Variants in LHPP observed in about 807,000 individuals in gnomAD.
LHPP encodes the protein phospholysine phosphohistidine inorganic pyrophosphate phosphatase, also known as hLHPP.
In LHPP, 24 loss-of-function variants were observed where a neutral mutation model predicts 30.3. That is an observed-to-expected ratio of 0.79 (90% CI 0.57 to 1.11). The LOEUF is 1.11. Ranked by LOEUF, LHPP falls within the 50% of genes most tolerant of loss-of-function variation. LHPP has a pLI of 0.00. For missense variants in LHPP, 356 were observed against 367.2 expected (o/e 0.97, Z 0.25); for synonymous variants, 150 against 157.1 (o/e 0.95, Z 0.34).
rs1952407119 is a variant in LHPP, at chr10:124,461,874, G to C, written c.12G>C (p.Trp4Cys). MAP[W>C]GKRLAGVRGV... The stretch of plus-strand genomic sequence containing the variant: ...CAGGGCCGGGCGCCATGGCACCGTG[G>C]GGCAAGCGGCTGGCTGGCGTGCGCG... Residue 4 changes from tryptophan (W) to cysteine (C), a missense_variant, in exon 1 of 7, where the codon TGG becomes TGC. Trp to Cys is a radical substitution (Grantham distance 215). Coordinates refer to ENST00000368842, the MANE Select transcript of LHPP (RefSeq NM_022126.4). 8.0e-7 allele frequency: 1 copy of C among 1,256,898 alleles called. No homozygotes were observed. 77.9% of individuals were successfully genotyped at this position (1,256,898 alleles called of 1,614,324 possible).
chr10:124,504,898 G>T (rs995101220), intron 5 of LHPP, among the ~76,000 whole-genome samples: 1 of 152,176 alleles, frequency 6.6e-6, no homozygotes, highest in Non-Finnish European at 1.5e-5. Flanking sequence ...GGGGCAGTGC[G>T]TCTGGGAGGG....
chr10:124,543,172 C>G (rs572991117), intron 6 of LHPP, among the ~76,000 whole-genome samples: 6 of 152,332 alleles, frequency 3.9e-5, no homozygotes, highest in African/African-American at 1.4e-4. Context: ...CGTTCCAGCT[C>G]GGGCAGTACA....
intron 1 of LHPP, among the ~76,000 whole-genome samples, chr10:124,466,479 CAG>C (rs896708577): frequency 1.4e-4 from 21 of 152,126 alleles, no homozygotes; most frequent in African/African-American, 5.1e-4. Flanking sequence ...GTTTTTGAAA[CAG>C]AGTGTTGCTC....
At chr10:124,536,531 C>T (rs1162324448) in intron 6 of LHPP, among the ~76,000 whole-genome samples, 1 of 152,160 alleles carries the variant, frequency 6.6e-6, no homozygotes, top group African/African-American at 2.4e-5. Flanking sequence ...GCTTTGGGCT[C>T]CAGGGAGGCC....
chr10:124,584,652 G>A (rs893803189), intron 6 of LHPP, among the ~76,000 whole-genome samples: 3 of 152,148 alleles, frequency 2.0e-5, no homozygotes, highest in African/African-American at 4.8e-5. Context: ...ATACTATCAC[G>A]TTGCTGGTTT....
chr10:124,591,811 G>C (rs1948885129), intron 6 of LHPP, among the ~76,000 whole-genome samples: 1 of 126,864 alleles, frequency 7.9e-6, no homozygotes, highest in Non-Finnish European at 1.7e-5. Context: ...TGACTACAGA[G>C]AGCGGCCACA....
chr10:124,594,329 C>CAAAA lies in LHPP; in HGVS notation c.717-18916_717-18913dup, dbSNP rs71026102. 3.9e-3 allele frequency among the ~76,000 whole-genome samples: 291 copies of CAAAA among 74,934 alleles called. 4 individuals carry two copies. Among genetic ancestry groups the CAAAA allele is most frequent in the African/African-American group, 0.01 (158 of 15,734 alleles). The allele number at this position is 74,934 out of a possible 152,430, so 49.2% of individuals were successfully genotyped here. A position where few individuals can be genotyped will look rare whatever the true frequency, so the allele number is the denominator to read the frequency against. ...TGGGCGGCAGAGTGAGACTCCATCT[C>CAAAA]AAAAAAAAAAAAAAAAAAAAAAGAC... is the stretch of plus-strand genomic sequence containing the variant. On this transcript the variant is annotated intron_variant, in intron 6 of 6. Transcript: ENST00000368842.
chr10:124,559,266 G>A (rs1197883049), intron 6 of LHPP, among the ~76,000 whole-genome samples: 1 of 152,250 alleles, frequency 6.6e-6, no homozygotes. Context: ...CTGAAGATGA[G>A]TTTGAAGTTA....
Position 124,461,832 on chromosome 10 carries a change from G to A in LHPP, c.-31G>A, listed in dbSNP as rs1478860929. On this transcript the variant is annotated 5_prime_UTR_variant, in exon 1 of 7. Transcript: ENST00000368842. ...CGGCGCCGGCGCCGGCGTCGGTTGG[G>A]ACGCGGAGCTGAGGAGCAGGGCCGG... 1.6e-6 allele frequency: 2 copies of A among 1,228,530 alleles called. No individual in the cohort carries two copies. The highest frequency in any genetic ancestry group is 1.0e-6 in the Non-Finnish European group (1 of 982,614). The allele number at this position is 1,228,530 out of a possible 1,614,324, so 76.1% of individuals were successfully genotyped here.
At chr10:124,594,220 C>T (rs957117834) in intron 6 of LHPP, among the ~76,000 whole-genome samples, 2 of 150,996 alleles carry the variant, frequency 1.3e-5, no homozygotes, top group Non-Finnish European at 2.9e-5. Flanking sequence ...ATCCCAGCTA[C>T]TCAGGAGGCG....
At chr10:124,579,309 T>C (rs1426923591) in intron 6 of LHPP, among the ~76,000 whole-genome samples, 1 of 152,252 alleles carries the variant, frequency 6.6e-6, no homozygotes, top group Non-Finnish European at 1.5e-5. Context: ...ATCACAGCAC[T>C]GAGTGCCGTC....
In LHPP at chr10:124,523,173, A is replaced by G. The variant is rs1417556495; in HGVS notation, c.716+5902A>G. 1.3e-5 allele frequency among the ~76,000 whole-genome samples: 2 copies of G among 152,258 alleles called. No individual in the cohort carries two copies. Among genetic ancestry groups the G allele is most frequent in the Admixed American group, 1.3e-4 (2 of 15,290 alleles). On this transcript the variant is annotated intron_variant, in intron 6 of 6. Coordinates refer to ENST00000368842, the MANE Select transcript of LHPP (RefSeq NM_022126.4). The surrounding 1 kb of genome is among the most constrained non-coding windows in gnomAD (Gnocchi z 4.2). ...CTCTTATTGTTTACCCAAGGCTGGC[A>G]GATGTTTTATAAGCCCCGAACGTTC...
At chr10:124,522,777 C>T (rs1478897466) in intron 6 of LHPP, among the ~76,000 whole-genome samples, 2 of 150,858 alleles carry the variant, frequency 1.3e-5, no homozygotes, top group African/African-American at 2.4e-5. Context: ...TCAAGGCAGC[C>T]CTCATCTTCC....
intron 6 of LHPP, among the ~76,000 whole-genome samples, chr10:124,530,106 T>A (rs1193320689): frequency 6.6e-6 from 1 of 152,082 alleles, no homozygotes; most frequent in Admixed American, 6.5e-5. Flanking sequence ...AGGAACCTGG[T>A]GAAGCCAGGA....
chr10:124,461,868 AC>A lies in LHPP; in HGVS notation c.8del (p.Pro3ArgfsTer41). 8.0e-7 allele frequency: 1 copy of A among 1,253,976 alleles called. No individual in the cohort carries two copies. The highest frequency in any genetic ancestry group is 1.0e-6 in the Non-Finnish European group (1 of 996,122). 77.7% of individuals were successfully genotyped at this position (1,253,976 alleles called of 1,614,324 possible). MAPWGKRLAGVRG... is the reference protein window; with the variant it reads MAXWGKRLAGVRG... ...GAGGAGCAGGGCCGGGCGCCATGGCACCGTGGGGCAAGCGGCTGGCTGGCGT... is the reference window on the plus strand; with the variant it reads ...GAGGAGCAGGGCCGGGCGCCATGGCACGTGGGGCAAGCGGCTGGCTGGCGT... On this transcript the variant is annotated frameshift_variant, in exon 1 of 7. Coordinates refer to ENST00000368842, the MANE Select transcript of LHPP (RefSeq NM_022126.4). LOFTEE classifies it high-confidence loss of function.
At chr10:124,495,816 A>G (rs1953689158) in intron 3 of LHPP, among the ~76,000 whole-genome samples, 1 of 152,190 alleles carries the variant, frequency 6.6e-6, no homozygotes, top group South Asian at 2.1e-4. Context: ...TACCGAGTTA[A>G]TAACTTTGCA....
At chr10:124,568,363 C>T (rs569514257) in intron 6 of LHPP, among the ~76,000 whole-genome samples, 1 of 152,368 alleles carries the variant, frequency 6.6e-6, no homozygotes, top group East Asian at 1.9e-4. Flanking sequence ...CCACCCTCTT[C>T]TTGCCCTTTG....
intron 1 of LHPP, among the ~76,000 whole-genome samples, chr10:124,469,615 C>T (rs1306483180): frequency 6.6e-6 from 1 of 152,106 alleles, no homozygotes; most frequent in Non-Finnish European, 1.5e-5. Flanking sequence ...TGCATGCACA[C>T]ACACACATTC....
intron 3 of LHPP, among the ~76,000 whole-genome samples, chr10:124,491,963 G>A (rs1036108873): frequency 6.6e-6 from 1 of 152,122 alleles, no homozygotes; most frequent in Non-Finnish European, 1.5e-5. Context: ...TTTTGAGGCT[G>A]TGTTTAAAAA....
Sources: gnomAD v4.1 joint callset for allele counts (sites outside exome capture counted in the v4.1 genomes callset) on GRCh38, gnomAD v4.1.1 for gene constraint, Gnocchi (gnomAD v3.1) non-coding constraint, MANE v1.5 for transcripts, NCBI Gene and HGNC (gene_info 2026-07-23, HGNC 2026-07-21) for gene names.